The following SLC30A2 variants were observed in gnomAD, a reference collection of about 807,000 sequenced individuals.
SLC30A2 encodes solute carrier family 30 member 2, also known as proton-coupled zinc antiporter SLC30A2.
In SLC30A2, 19 loss-of-function variants were observed where a neutral mutation model predicts 39.6. The observed-to-expected ratio is 0.48, with a 90% CI of 0.34 to 0.70. The LOEUF (loss-of-function observed/expected upper bound fraction) is 0.70, where lower values mean the gene tolerates loss of function less well. SLC30A2 is among the 30% of genes least tolerant of loss of function. SLC30A2 has a pLI of 0.01. For missense variants in SLC30A2, 387 were observed against 479.4 expected (o/e 0.81, Z 1.80); for synonymous variants, 195 against 194.8 (o/e 1.00, Z -0.01).
rs1414150287 is a variant in SLC30A2 at position 26,042,561 on chromosome 1, A to C, written c.720T>G (p.Ile240Met). The part of the protein sequence containing the change: ...QSMGVLVAAY[I>M]LYFKPEYKYV... ...TCCCAGCTCTGACCTTGAAGTATAA[A>C]ATATAGGCTGCCACTAGGACACCCA... The change falls in exon 5 of 8, where the codon ATT (isoleucine) becomes ATG (methionine). Residue 240 changes from isoleucine (I) to methionine (M), a missense_variant. Ile to Met is a conservative substitution (Grantham distance 10, BLOSUM62 1). Transcript: ENST00000374276. 4.3e-6 allele frequency: 7 copies of C among 1,613,790 alleles called. No individual in the cohort carries two copies. The highest frequency in any genetic ancestry group is 5.9e-6 in the Non-Finnish European group (7 of 1,179,836).
intron 6 of SLC30A2, among the ~76,000 whole-genome samples, chr1:26,040,992 G>A (rs1162838905): frequency 6.6e-6 from 1 of 151,920 alleles, no homozygotes; most frequent in East Asian, 1.9e-4. Context: ...AGCTACTTGG[G>A]AGGCTGAGGC....
At chr1:26,040,199 T>A (rs2124421144) in intron 6 of SLC30A2, among the ~76,000 whole-genome samples, 1 of 152,320 alleles carries the variant, frequency 6.6e-6, no homozygotes, top group East Asian at 1.9e-4. Flanking sequence ...TACCACAGTA[T>A]CCTTGGTGCC....
chr1:26,041,372 G>A (rs979738217), intron 6 of SLC30A2, among the ~76,000 whole-genome samples: 1 of 152,194 alleles, frequency 6.6e-6, no homozygotes, highest in Non-Finnish European at 1.5e-5. Context: ...CCAGAGCCTG[G>A]GGAAGTGTAT....
chr1:26,044,071 C>T (rs1014314510), intron 3 of SLC30A2, among the ~76,000 whole-genome samples: 1 of 152,154 alleles, frequency 6.6e-6, no homozygotes, highest in East Asian at 1.9e-4. Flanking sequence ...ACTTTGCTTC[C>T]CTGCAGACTG....
At chr1:26,045,820 C>G in intron 1 of SLC30A2, 27 bp downstream of exon 1, 2 of 1,613,562 alleles carry the variant, frequency 1.2e-6, no homozygotes, top group Non-Finnish European at 1.7e-6. Context: ...GCCAAAATTC[C>G]CGCCCGTCCC....
chr1:26,041,621 C>T, intron 6 of SLC30A2, 79 bp downstream of exon 6: 2 of 858,218 alleles, frequency 2.3e-6, no homozygotes, highest in South Asian at 1.4e-5. Context: ...TAGGATGCCC[C>T]AGACACACAC....
chr1:26,045,009 C>G lies in SLC30A2; in HGVS notation c.259G>C (p.Gly87Arg). ...CAAAAGTGCTTACCAACGACTTCTC[C>G]GATCATGAACAACAGGCAGATGGCA... ...ASAICLLFMI[G>R]EVVGGYLAHS... Residue 87 changes from glycine to arginine, a missense_variant, in exon 2 of 8, where the codon GGA becomes CGA. Physicochemically the swap from Gly to Arg is moderately radical, Grantham distance 125 (BLOSUM62 -2). Coordinates refer to ENST00000374276, the MANE Select transcript of SLC30A2 (RefSeq NM_001004434.3). The G allele has an allele frequency of 6.2e-7, 1 of 1,614,152 alleles. No individual in the cohort carries two copies. Among genetic ancestry groups the G allele is most frequent in the Non-Finnish European group, 8.5e-7 (1 of 1,179,992 alleles).
Position 26,039,637 on chromosome 1 carries a change from T to C in SLC30A2, c.973+140A>G, listed in dbSNP as rs778710735. 9.8e-6 allele frequency: 8 copies of C among 812,932 alleles called. No homozygotes were observed. Among genetic ancestry groups the C allele is most frequent in the African/African-American group, 6.9e-5 (4 of 57,860 alleles). 50.4% of individuals were successfully genotyped at this position (812,932 alleles called of 1,614,324 possible). On this transcript the variant is annotated intron_variant, in intron 7 of 7. Transcript: ENST00000374276. This position sits in a 1 kb window ranked among gnomAD's most constrained non-coding sequence, Gnocchi z 4.3. ...AGATTGTGCTGATCAGATGGAATAA[T>C]GCGTATCAAGTACTCAGCATGAGGC... is the stretch of plus-strand genomic sequence containing the variant.
At chr1:26,045,298 G>T in intron 1 of SLC30A2, 81 bp from the exon 2 acceptor site, 1 of 1,109,912 alleles carries the variant, frequency 9.0e-7, no homozygotes, top group Non-Finnish European at 1.3e-6. Context: ...TCTCTGTGAG[G>T]CCTTGTGTCC....
intron 4 of SLC30A2, 62 bp from the exon 5 acceptor site, chr1:26,042,770 G>T: frequency 1.3e-6 from 2 of 1,499,600 alleles, no homozygotes; most frequent in East Asian, 2.3e-5. Flanking sequence ...CACCTATTAG[G>T]ACTAGCCAAC....
At chr1:26,044,659 G>A (rs1391920528) in intron 2 of SLC30A2, among the ~76,000 whole-genome samples, 1 of 152,144 alleles carries the variant, frequency 6.6e-6, no homozygotes, top group East Asian at 1.9e-4. Flanking sequence ...GAGGGTGAAT[G>A]TGCACATCAA....
rs745480516 is a variant in SLC30A2 at position 26,044,350 on chromosome 1, C to A, written c.366G>T (p.Trp122Cys). The A allele has an allele frequency of 6.8e-6, 11 of 1,614,050 alleles. No individual in the cohort carries two copies. The East Asian group carries it at 2.2e-4, about 33-fold the overall frequency. ...ASMLISLFSL[W>C]MSSRPATKTM... ...TCTTGGTGGCTGGCCGGGAGGACAT[C>A]CAGAGGGAGAAGAGGCTGATGAGCA... The change falls in exon 3 of 8, where the codon TGG becomes TGT. Residue 122 changes from tryptophan to cysteine, a missense_variant. Physicochemically the swap from Trp to Cys is radical, Grantham distance 215 (BLOSUM62 -2). Coordinates refer to ENST00000374276, the MANE Select transcript of SLC30A2 (RefSeq NM_001004434.3).
chr1:26,041,812 G>T lies in SLC30A2; in HGVS notation c.733-7C>A. On this transcript the variant is annotated splice_region_variant and splice_polypyrimidine_tract_variant and intron_variant, in intron 5 of 7. Transcript: ENST00000374276. The stretch of plus-strand genomic sequence containing the variant: ...CTACATACTTGTATTCTGGCTGCAG[G>T]AAGACAGGAAGGCAGACCTGGAGTT... 1 of 1,560,280 alleles carries T rather than the reference G, an allele frequency of 6.4e-7. No individual in the cohort carries two copies. The highest frequency in any genetic ancestry group is 8.8e-7 in the Non-Finnish European group (1 of 1,131,512).
chr1:26,042,571 G>A lies in SLC30A2; in HGVS notation c.710C>T (p.Ala237Val). The A allele has an allele frequency of 6.2e-7, 1 of 1,613,984 alleles. No homozygotes were observed. ...DFMQSMGVLV[A>V]AYILYFKPEY... ...GACCTTGAAGTATAAAATATAGGCT[G>A]CCACTAGGACACCCATGCTCTGCAT... The change falls in exon 5 of 8, where the codon GCA becomes GTA. Residue 237 changes from alanine to valine, a missense_variant. Transcript: ENST00000374276.
chr1:26,041,670 G>A (rs1394840088), intron 6 of SLC30A2, 30 bp downstream of exon 6: 5 of 1,350,034 alleles, frequency 3.7e-6, no homozygotes, highest in Non-Finnish European at 5.3e-6. Flanking sequence ...AGAGCCAAGA[G>A]CAAAAAGGGA....
Position 26,041,954 on chromosome 1 carries a change from T to C in SLC30A2, c.733-149A>G, listed in dbSNP as rs1035383403. The C allele has an allele frequency of 8.2e-6, 5 of 610,912 alleles. No homozygotes were observed. The African/African-American group carries it at 9.3e-5, about 11-fold the overall frequency. The allele number at this position is 610,912 out of a possible 1,614,324, so 37.8% of individuals were successfully genotyped here. On this transcript the variant is annotated intron_variant, in intron 5 of 7. Coordinates refer to ENST00000374276, the MANE Select transcript of SLC30A2 (RefSeq NM_001004434.3). Reference sequence around the variant, plus strand: ...CTGGCCCTGCCTCCCAGTTTTCTGCTCTTTATTTCACATCTGCAAGAGCAG... The same window carrying C: ...CTGGCCCTGCCTCCCAGTTTTCTGCCCTTTATTTCACATCTGCAAGAGCAG...
intron 4 of SLC30A2, 63 bp from the exon 5 acceptor site, chr1:26,042,771 A>G: frequency 2.0e-6 from 3 of 1,486,638 alleles, no homozygotes; most frequent in Non-Finnish European, 2.8e-6. Flanking sequence ...ACCTATTAGG[A>G]CTAGCCAACT....
In SLC30A2 at chr1:26,044,356, G is replaced by A. The variant is rs2050435383; in HGVS notation, c.360C>T (p.Ser120=). The A allele has an allele frequency of 6.2e-7, 1 of 1,613,968 alleles. No individual in the cohort carries two copies. Among genetic ancestry groups the A allele is most frequent in the Non-Finnish European group, 8.5e-7 (1 of 1,180,026 alleles). ...DFASMLISLF[S]LWMSSRPATK... is the part of the protein sequence containing the mutation. ...TGGCTGGCCGGGAGGACATCCAGAGGGAGAAGAGGCTGATGAGCATGCTGG... is the reference window on the plus strand; with the variant it reads ...TGGCTGGCCGGGAGGACATCCAGAGAGAGAAGAGGCTGATGAGCATGCTGG... The change falls in exon 3 of 8, where the codon TCC becomes TCT. Residue 120 remains serine (S), a synonymous_variant. Transcript: ENST00000374276.
rs1363617230 is a variant in SLC30A2 at position 26,038,600 on chromosome 1, C to A, written c.*560G>T. On this transcript the variant is annotated 3_prime_UTR_variant, in exon 8 of 8. Coordinates refer to ENST00000374276, the MANE Select transcript of SLC30A2 (RefSeq NM_001004434.3). ...TCTCTTACCTAGTAAGAAGCCTCTC[C>A]CCTCCAGGAAAGGGAACATTTGGCT... The A allele has an allele frequency of 1.3e-5, 2 of 152,276 alleles. No homozygotes were observed. The highest frequency in any genetic ancestry group is 2.4e-5 in the African/African-American group (1 of 41,458). 9.4% of individuals were successfully genotyped at this position (152,276 alleles called of 1,614,324 possible). A position where few individuals can be genotyped will look rare whatever the true frequency, so the allele number is the denominator to read the frequency against.
Sources: gnomAD v4.1 joint callset for allele counts (sites outside exome capture counted in the v4.1 genomes callset) on GRCh38, gnomAD v4.1.1 for gene constraint, Gnocchi (gnomAD v3.1) non-coding constraint, MANE v1.5 for transcripts, NCBI Gene and HGNC (gene_info 2026-07-23, HGNC 2026-07-21) for gene names.